Variants in N4BP3 observed in about 807,000 individuals in gnomAD.
N4BP3 encodes the protein NEDD4 binding protein 3.
N4BP3 carries 33 observed loss-of-function variants against 43.8 expected under a neutral mutation model. The ratio of observed to expected loss-of-function variants is 0.75; its 90% CI spans 0.57 to 1.01. The LOEUF (loss-of-function observed/expected upper bound fraction) is 1.01, where lower values mean the gene tolerates loss of function less well. Among genes scored for constraint, N4BP3 ranks in the 50% least tolerant of loss-of-function variants. N4BP3 has a pLI of 0.00. For synonymous variants in N4BP3, 326 were observed against 321.9 expected, an observed-to-expected ratio of 1.01 and a Z score of -0.14; for missense variants, 756 against 744.2, an observed-to-expected ratio of 1.02 and a Z score of -0.18.
Position 178,119,789 on chromosome 5 carries a change from C to T in N4BP3, c.206C>T (p.Thr69Ile). ...CTCCCCAAGAAGGACAGCAAGAGCA[C>T]CAAGAACACCAAGCGGGCCCCTCGG... ...LHLPKKDSKSTKNTKRAPRNE... is the reference protein window; with the variant it reads ...LHLPKKDSKSIKNTKRAPRNE... The change falls in exon 2 of 5, where the codon ACC (threonine) becomes ATC (isoleucine). Residue 69 changes from threonine to isoleucine, a missense_variant. Coordinates refer to ENST00000274605, the MANE Select transcript of N4BP3 (RefSeq NM_015111.2). 1 of 1,613,540 alleles carries T rather than the reference C, an allele frequency of 6.2e-7. No homozygotes were observed. Among genetic ancestry groups the T allele is most frequent in the Non-Finnish European group, 8.5e-7 (1 of 1,180,024 alleles).
At chr5:178,119,519 C>T (rs1477047374) in intron 1 of N4BP3, 35 bp from the exon 2 acceptor site, 4 of 1,451,130 alleles carry the variant, frequency 2.8e-6, no homozygotes, top group Non-Finnish European at 3.7e-6. Flanking sequence ...GCAGCCAGTG[C>T]TCACCTGCCC....
Position 178,121,815 on chromosome 5 carries a change from G to A in N4BP3, c.1449G>A (p.Ala483=), listed in dbSNP as rs755307414. Residue 483 remains alanine, a synonymous_variant, in exon 5 of 5, where the codon GCG becomes GCA. Transcript: ENST00000274605. ...LQERLRGQEQ[A]LRFEQERRTW... ...AGCGACTTCGGGGCCAGGAGCAGGC[G>A]CTGCGCTTTGAGCAGGAGCGGCGGA... 3.1e-6 allele frequency: 5 copies of A among 1,608,640 alleles called. No individual in the cohort carries two copies. Among genetic ancestry groups the A allele is most frequent in the East Asian group, 2.2e-5 (1 of 44,822 alleles).
At chr5:178,116,182 ACAGCTGCCCTGCC>A (rs112589766) in intron 1 of N4BP3, among the ~76,000 whole-genome samples, 97,732 of 151,522 alleles carry the variant, frequency 0.65, 31,588 homozygotes, top group East Asian at 0.74. Context: ...CTCCGCCTGC[ACAGCTGCCCTGCC>A]CAGCTGCCCT....
intron 1 of N4BP3, among the ~76,000 whole-genome samples, chr5:178,114,201 A>G (rs1209476652): frequency 6.6e-6 from 1 of 151,900 alleles, no homozygotes; most frequent in Non-Finnish European, 1.5e-5. Flanking sequence ...CGCGCCTCCC[A>G]CCCCGCCCCC....
In N4BP3 at chr5:178,121,139, G is replaced by C; in HGVS notation, c.894G>C (p.Lys298Asn). Residue 298 changes from lysine to asparagine, a missense_variant, in exon 4 of 5, where the codon AAG (lysine) becomes AAC (asparagine). By Grantham distance (94) the Lys-to-Asn change is moderately conservative. Coordinates refer to ENST00000274605, the MANE Select transcript of N4BP3 (RefSeq NM_015111.2). Reference sequence around the variant, plus strand: ...AGCGGCTGTGGCTGGCTGAGCTGAAGCGCCTGTATGTGGAGCGGCTGCACG... The same window carrying C: ...AGCGGCTGTGGCTGGCTGAGCTGAACCGCCTGTATGTGGAGCGGCTGCACG... ...ERQRLWLAELKRLYVERLHEV... is the reference protein window; with the variant it reads ...ERQRLWLAELNRLYVERLHEV... 1 of 1,599,602 alleles carries C rather than the reference G, an allele frequency of 6.3e-7. No homozygotes were observed. The highest frequency in any genetic ancestry group is 8.5e-7 in the Non-Finnish European group (1 of 1,179,046).
intron 4 of N4BP3, 34 bp downstream of exon 4, chr5:178,121,386 A>T (rs1342435599): frequency 1.5e-5 from 24 of 1,610,336 alleles, no homozygotes; most frequent in Non-Finnish European, 2.0e-5. Flanking sequence ...AGACTCTCCC[A>T]TCTCCATTGC....
At chr5:178,114,389 C>G (rs1165613315) in intron 1 of N4BP3, among the ~76,000 whole-genome samples, 1 of 152,272 alleles carries the variant, frequency 6.6e-6, no homozygotes, top group Non-Finnish European at 1.5e-5. Context: ...CAGGCTGCAG[C>G]TGCGGGTCTG....
At position 178,118,069 on chromosome 5, in the gene N4BP3, G is replaced by T. The variant is rs538794921; in HGVS notation, c.-30-1485G>T. Among the ~76,000 whole-genome samples the T allele has an allele frequency of 6.6e-6, 1 of 152,310 alleles. No individual in the cohort carries two copies. The highest frequency in any genetic ancestry group is 2.4e-5 in the African/African-American group (1 of 41,568). ...CTTCTGTTCGAGAATGGGAGCAGCT[G>T]CTCAGGGGTGGGAGGCAGAGAAGGT... On this transcript the variant is annotated intron_variant, in intron 1 of 4. Transcript: ENST00000274605. The surrounding 1 kb of genome is among the most constrained non-coding windows in gnomAD (Gnocchi z 5.4).
chr5:178,120,226 G>C lies in N4BP3; in HGVS notation c.379G>C (p.Gly127Arg). The C allele has an allele frequency of 5.0e-6, 8 of 1,597,652 alleles. No individual in the cohort carries two copies. Among genetic ancestry groups the C allele is most frequent in the Non-Finnish European group, 6.8e-6 (8 of 1,170,044 alleles). Reference protein sequence around the residue: ...VFKPTAGNGKGFLSMQSLASH... With the variant: ...VFKPTAGNGKRFLSMQSLASH... ...CAAGCCTACGGCGGGCAACGGGAAA[G>C]GCTTCCTATCCATGCAAAGTCTGGC... The change falls in exon 3 of 5, where the codon GGC (glycine) becomes CGC (arginine). Residue 127 changes from glycine to arginine, a missense_variant. By Grantham distance (125) the Gly-to-Arg change is moderately radical. Transcript: ENST00000274605.
intron 1 of N4BP3, among the ~76,000 whole-genome samples, chr5:178,117,385 T>G (rs926054571): frequency 6.6e-6 from 1 of 152,090 alleles, no homozygotes; most frequent in African/African-American, 2.4e-5. Context: ...CACTAGACAT[T>G]GGGCAGCCAT....
chr5:178,121,214 G>GTTTA lies in N4BP3; in HGVS notation c.971_974dup (p.Met325IlefsTer34). On this transcript the variant is annotated frameshift_variant, in exon 4 of 5. Coordinates refer to ENST00000274605, the MANE Select transcript of N4BP3 (RefSeq NM_015111.2). LOFTEE classifies it high-confidence loss of function. ...GCGAGCGCAACCTCCAGCTGCAGCT[G>GTTTA]TTTATGGCTCAGCAGGAGCAGCGGC... 1 of 1,603,450 alleles carries GTTTA rather than the reference G, an allele frequency of 6.2e-7. No homozygotes were observed. The highest frequency in any genetic ancestry group is 2.2e-5 in the East Asian group (1 of 44,554).
rs1444036747 is a variant in N4BP3, at chr5:178,121,734, A to AGGAGGCAGG, written c.1376_1377insGGGAGGCAG (p.Gly458_Ser459insArgGlyGly). ...AGAGCAGGGGCCTGCTAGGGGAGGC[A>AGGAGGCAGG]GGAGGCAGCGAGGCCAGAGACAGTG... On this transcript the variant is annotated inframe_insertion, in exon 5 of 5. Transcript: ENST00000274605. 3 of 1,608,220 alleles carry AGGAGGCAGG rather than the reference A, an allele frequency of 1.9e-6. No individual in the cohort carries two copies. The highest frequency in any genetic ancestry group is 2.5e-6 in the Non-Finnish European group (3 of 1,179,838).
At chr5:178,120,989 C>T (rs1757905929) in intron 3 of N4BP3, 109 bp from the exon 4 acceptor site, 2 of 1,413,746 alleles carry the variant, frequency 1.4e-6, no homozygotes, top group Admixed American at 5.1e-5. Flanking sequence ...GTGGCTGGGT[C>T]CTGTGGTGTA....
In N4BP3 at chr5:178,120,670, G is replaced by A. The variant is rs370624766; in HGVS notation, c.823G>A (p.Asp275Asn). 1.8e-5 allele frequency: 29 copies of A among 1,600,536 alleles called. No individual in the cohort carries two copies. Among genetic ancestry groups the A allele is most frequent in the Middle Eastern group, 1.6e-4 (1 of 6,076 alleles). ...TCEELKRGLG[D>N]EDGSNPFTQV... Reference sequence around the variant, plus strand: ...TGAGGAGCTCAAGAGGGGCCTTGGCGATGAGGACGGCTCCAACCCCTTCAC... The same window carrying A: ...TGAGGAGCTCAAGAGGGGCCTTGGCAATGAGGACGGCTCCAACCCCTTCAC... Residue 275 changes from aspartate to asparagine, a missense_variant, in exon 3 of 5, where the codon GAT (aspartate) becomes AAT (asparagine). Physicochemically the swap from Asp to Asn is conservative, Grantham distance 23. Transcript: ENST00000274605.
chr5:178,116,404 A>C (rs887182602), intron 1 of N4BP3, among the ~76,000 whole-genome samples: 1 of 145,880 alleles, frequency 6.9e-6, no homozygotes, highest in African/African-American at 2.5e-5. Flanking sequence ...GTCAGCCAGG[A>C]GGGGCACAGT....
chr5:178,121,691 G>C lies in N4BP3; in HGVS notation c.1325G>C (p.Cys442Ser). 2 of 1,610,812 alleles carry C rather than the reference G, an allele frequency of 1.2e-6. No individual in the cohort carries two copies. The highest frequency in any genetic ancestry group is 1.7e-6 in the Non-Finnish European group (2 of 1,179,866). The change falls in exon 5 of 5, where the codon TGT becomes TCT. Residue 442 changes from cysteine to serine, a missense_variant. Physicochemically the swap from Cys to Ser is moderately radical, Grantham distance 112 (BLOSUM62 -1). Coordinates refer to ENST00000274605, the MANE Select transcript of N4BP3 (RefSeq NM_015111.2). ...CCTCGGGAGGAAGCCCCAGGCAGCT[G>C]TGAGACTGATGACTGCAAGAGCAGG... The part of the protein sequence containing the change: ...QAPREEAPGS[C>S]ETDDCKSRGL...
chr5:178,116,589 C>CA (rs1757778229), intron 1 of N4BP3, among the ~76,000 whole-genome samples: 1 of 152,198 alleles, frequency 6.6e-6, no homozygotes. Flanking sequence ...TGCTGCTGGA[C>CA]GTGACCGTCT....
In N4BP3 at chr5:178,122,064, G is replaced by A. The variant is rs1757945565; in HGVS notation, c.*63G>A. ...AAGGTGCCCTGAGACGGCCGGCTCA[G>A]CCTTCCCTTGCACTGGTTGGGGTGG... On this transcript the variant is annotated 3_prime_UTR_variant, in exon 5 of 5. Coordinates refer to ENST00000274605, the MANE Select transcript of N4BP3 (RefSeq NM_015111.2). 1.7e-5 allele frequency: 25 copies of A among 1,494,754 alleles called. No individual in the cohort carries two copies. The highest frequency in any genetic ancestry group is 2.2e-5 in the Non-Finnish European group (25 of 1,123,602). The allele number at this position is 1,494,754 out of a possible 1,614,324, so 92.6% of individuals were successfully genotyped here.
chr5:178,117,894 C>A (rs1389473353), intron 1 of N4BP3, among the ~76,000 whole-genome samples: 3 of 152,096 alleles, frequency 2.0e-5, no homozygotes, highest in African/African-American at 7.2e-5. Flanking sequence ...GCAGGTCCCC[C>A]TCCCGGAGAG....
Sources: allele counts gnomAD v4.1 joint callset (sites outside exome capture counted in the v4.1 genomes callset), GRCh38; gene constraint gnomAD v4.1.1; non-coding constraint Gnocchi (gnomAD v3.1); transcripts MANE v1.5; gene names NCBI Gene and HGNC (gene_info 2026-07-23, HGNC 2026-07-21).